The following DENND1B variants were observed in gnomAD, a reference collection of about 807,000 sequenced individuals.
DENND1B encodes DENN domain-containing protein 1B.
A neutral mutation model predicts 90.1 loss-of-function variants in DENND1B; 59 were observed. The ratio of observed to expected loss-of-function variants is 0.65; its 90% confidence interval spans 0.53 to 0.81. DENND1B has a LOEUF of 0.81. Among genes scored for constraint, DENND1B ranks in the 40% least tolerant of loss-of-function variants. DENND1B has a pLI of 0.00. For synonymous variants in DENND1B, 337 were observed against 324.6 expected, an observed-to-expected ratio of 1.04 and a Z score of -0.41; for missense variants, 862 against 912.6, an observed-to-expected ratio of 0.94 and a Z score of 0.71.
At chr1:197,550,835 GGTGTT>G (rs1671176530) in intron 16 of DENND1B, among the ~76,000 whole-genome samples, 1 of 150,234 alleles carries the variant, frequency 6.7e-6, no homozygotes, top group African/African-American at 2.4e-5. Context: ...TACCTCCTTG[GGTGTT>G]GTGAGGGTTA....
chr1:197,574,472 T>TGC (rs1673472643), intron 15 of DENND1B, among the ~76,000 whole-genome samples: 1 of 152,114 alleles, frequency 6.6e-6, no homozygotes, highest in African/African-American at 2.4e-5. Flanking sequence ...ACATTCCACA[T>TGC]TCATGGATAG....
chr1:197,614,482 A>G, intron 11 of DENND1B, among the ~76,000 whole-genome samples: 1 of 151,028 alleles, frequency 6.6e-6, no homozygotes, highest in South Asian at 2.1e-4. Context: ...AAGGGCATTA[A>G]CAAGCCAAGA....
At chr1:197,642,569 C>T (rs1231423581) in intron 10 of DENND1B, 142 bp downstream of exon 10, 1 of 497,306 alleles carries the variant, frequency 2.0e-6, no homozygotes, top group Non-Finnish European at 3.5e-6. Context: ...ACTTCAAGAG[C>T]CAGATTAAAA....
intron 3 of DENND1B, among the ~76,000 whole-genome samples, chr1:197,681,362 G>A (rs1001392268): frequency 6.6e-6 from 1 of 152,052 alleles, no homozygotes; most frequent in Non-Finnish European, 1.5e-5. Flanking sequence ...AGCTTACTTT[G>A]GACTACTACA....
intron 15 of DENND1B, among the ~76,000 whole-genome samples, chr1:197,571,586 A>T (rs913279348): frequency 3.3e-5 from 5 of 152,150 alleles, no homozygotes; most frequent in African/African-American, 1.2e-4. Flanking sequence ...AATGTCTCAT[A>T]TACTCTGAAC....
intron 15 of DENND1B, among the ~76,000 whole-genome samples, chr1:197,556,970 C>T (rs186022599): frequency 9.9e-4 from 151 of 151,826 alleles, no homozygotes; most frequent in African/African-American, 3.5e-3. Context: ...TGTGGAAAGA[C>T]GGAAGTACAC....
At position 197,658,460 on chromosome 1, in the gene DENND1B, G is replaced by A. The variant is rs1167792629; in HGVS notation, c.297-91C>T. The A allele has an allele frequency of 4.5e-6, 4 of 883,590 alleles. No homozygotes were observed. In the Admixed American group the frequency reaches 9.3e-5, roughly 21 times the overall value. 54.7% of individuals were successfully genotyped at this position (883,590 alleles called of 1,614,324 possible). On this transcript the variant is annotated intron_variant, in intron 5 of 22. Coordinates refer to ENST00000620048, the MANE Select transcript of DENND1B (RefSeq NM_001195215.2). Reference sequence around the variant, plus strand: ...CATTTAATTCATATTAATTCAAACAGGTTAATCCTGGAGGTCAAAAAAGAA... The same window carrying A: ...CATTTAATTCATATTAATTCAAACAAGTTAATCCTGGAGGTCAAAAAAGAA...
At chr1:197,548,583 A>G (rs1012997628) in intron 16 of DENND1B, among the ~76,000 whole-genome samples, 55 of 152,152 alleles carry the variant, frequency 3.6e-4, no homozygotes, top group African/African-American at 1.1e-3. Flanking sequence ...ATGATGATGT[A>G]TTATTCAGCC....
chr1:197,529,383 G>GGT (rs1185995910), intron 20 of DENND1B, among the ~76,000 whole-genome samples: 2 of 150,018 alleles, frequency 1.3e-5, no homozygotes, highest in Admixed American at 6.7e-5. Flanking sequence ...TGGGTGGGTG[G>GGT]GTGTGTGTGT....
At chr1:197,746,807 G>T in intron 2 of DENND1B, 1 of 1,604,510 alleles carries the variant, frequency 6.2e-7, no homozygotes, top group Non-Finnish European at 8.5e-7. Flanking sequence ...AAACCCCCAT[G>T]CAAGTTTCTT....
rs11411505 is a variant in DENND1B at position 197,607,177 on chromosome 1, A to AT, written c.820-4dup. On this transcript the variant is annotated splice_region_variant and splice_polypyrimidine_tract_variant and intron_variant, in intron 12 of 22. Coordinates refer to ENST00000620048, the MANE Select transcript of DENND1B (RefSeq NM_001195215.2). ...TCCAATGATTTGTTTTTCACTCTCT[A>AT]TAAAAAAAACACAATTATGAATACA... 1,544,644 of 1,556,100 alleles carry AT rather than the reference A, an allele frequency of 0.99. 766,811 individuals carry two copies. The highest frequency in any genetic ancestry group is 1 in the East Asian group (43,813 of 43,842).
intron 18 of DENND1B, among the ~76,000 whole-genome samples, chr1:197,542,867 T>C (rs2125660172): frequency 6.6e-6 from 1 of 152,274 alleles, no homozygotes; most frequent in African/African-American, 2.4e-5. Context: ...CTAAAGATCT[T>C]AATTCACCTG....
chr1:197,566,627 T>C (rs1173557964), intron 15 of DENND1B, among the ~76,000 whole-genome samples: 1 of 152,092 alleles, frequency 6.6e-6, no homozygotes, highest in Non-Finnish European at 1.5e-5. Context: ...CAACTTTTCA[T>C]TTATTTATTT....
At chr1:197,701,553 C>CT (rs978564553) in intron 3 of DENND1B, among the ~76,000 whole-genome samples, 154 of 143,456 alleles carry the variant, frequency 1.1e-3, no homozygotes, top group Middle Eastern at 3.5e-3. Context: ...CCTTCCCCGG[C>CT]TTTTTTTTTT....
intron 3 of DENND1B, among the ~76,000 whole-genome samples, chr1:197,692,810 T>C (rs985199731): frequency 6.6e-6 from 1 of 151,688 alleles, no homozygotes; most frequent in Admixed American, 6.6e-5. Context: ...TTGGGGCCTA[T>C]AAAAGCAGTT....
chr1:197,548,334 G>A (rs1178598731), intron 16 of DENND1B, among the ~76,000 whole-genome samples: 1 of 152,118 alleles, frequency 6.6e-6, no homozygotes, highest in Non-Finnish European at 1.5e-5. Flanking sequence ...TGGACCTTTA[G>A]AGCTCAGGCC....
At chr1:197,689,485 A>C (rs1468295176) in intron 3 of DENND1B, 2 of 152,284 alleles carry the variant, frequency 1.3e-5, no homozygotes, top group East Asian at 3.9e-4. Context: ...TGCTATCCTT[A>C]CTGTTGCTGC....
At chr1:197,680,885 T>A (rs1656615650) in intron 3 of DENND1B, among the ~76,000 whole-genome samples, 1 of 152,068 alleles carries the variant, frequency 6.6e-6, no homozygotes, top group Non-Finnish European at 1.5e-5. Context: ...AAGGATTTAT[T>A]TGAGGAATTT....
At chr1:197,566,414 C>T (rs1312297392) in intron 15 of DENND1B, among the ~76,000 whole-genome samples, 7 of 151,900 alleles carry the variant, frequency 4.6e-5, no homozygotes, top group African/African-American at 1.7e-4. Context: ...GAATAGGTTG[C>T]AAAAATTTTC....
Sources: gnomAD v4.1 joint callset for allele counts (sites outside exome capture counted in the v4.1 genomes callset) on GRCh38, gnomAD v4.1.1 for gene constraint, MANE v1.5 for transcripts, NCBI Gene and HGNC (gene_info 2026-07-23, HGNC 2026-07-21) for gene names.